The following EPB41L4A variants were observed in gnomAD, a reference collection of about 807,000 sequenced individuals.
The protein encoded by EPB41L4A is erythrocyte membrane protein band 4.1 like 4A.
Under a neutral mutation model 108.6 loss-of-function variants are expected in EPB41L4A, and 100 were observed. That is an observed-to-expected ratio of 0.92 (90% CI 0.78 to 1.09). The LOEUF is 1.09. Among genes scored for constraint, EPB41L4A ranks in the 50% least tolerant of loss-of-function variants. The pLI, the probability that EPB41L4A is intolerant of heterozygous loss-of-function variation, is 0.00. For synonymous variants in EPB41L4A, 319 were observed against 289.0 expected, an observed-to-expected ratio of 1.10 and a Z score of -1.05; for missense variants, 1,030 against 842.7, an observed-to-expected ratio of 1.22 and a Z score of -2.75.
chr5:112,382,556 T>C (rs1760241035), intron 1 of EPB41L4A, among the ~76,000 whole-genome samples: 1 of 152,222 alleles, frequency 6.6e-6, no homozygotes, highest in Non-Finnish European at 1.5e-5. Context: ...ACTGTGGTGT[T>C]AACTGTTTCA....
chr5:112,312,996 G>A (rs1755146091), intron 1 of EPB41L4A, among the ~76,000 whole-genome samples: 1 of 152,080 alleles, frequency 6.6e-6, no homozygotes, highest in Non-Finnish European at 1.5e-5. Context: ...CAGGAAAAAA[G>A]GGTATTATGA....
rs1752021295 is a variant in EPB41L4A at position 112,268,433 on chromosome 5, TCA to T, written c.336-2105_336-2104del. Reference sequence around the variant, plus strand: ...ACAAAAGAGACAACTGTGAGAATTATCACTGCTTGCTGCTGGAAACTTGCATT... The same window carrying T: ...ACAAAAGAGACAACTGTGAGAATTATCTGCTTGCTGCTGGAAACTTGCATT... On this transcript the variant is annotated intron_variant, in intron 4 of 22. Coordinates refer to ENST00000261486, the MANE Select transcript of EPB41L4A (RefSeq NM_022140.5). Among the ~76,000 whole-genome samples the T allele has an allele frequency of 2.6e-5, 4 of 152,204 alleles. No homozygotes were observed. In the South Asian group the frequency reaches 8.3e-4, roughly 32 times the overall value.
At chr5:112,190,571 G>A (rs189923341) in intron 17 of EPB41L4A, among the ~76,000 whole-genome samples, 1 of 152,306 alleles carries the variant, frequency 6.6e-6, no homozygotes, top group East Asian at 1.9e-4. Context: ...GACAGGAGAT[G>A]CCGTAGCAGT....
At chr5:112,149,189 G>C (rs542726664) in intron 12 of EPB41L4A, among the ~76,000 whole-genome samples, 3 of 152,126 alleles carry the variant, frequency 2.0e-5, no homozygotes, top group Non-Finnish European at 4.4e-5. Flanking sequence ...TTAAGAAAGA[G>C]ACTCTGGCCA....
intron 2 of EPB41L4A, among the ~76,000 whole-genome samples, chr5:112,296,896 A>G (rs1419875683): frequency 2.0e-5 from 3 of 152,112 alleles, no homozygotes; most frequent in Non-Finnish European, 4.4e-5. Context: ...ACTTAGAATA[A>G]TAGTCTCCAA....
chr5:112,228,519 A>G (rs1484038900), intron 12 of EPB41L4A, among the ~76,000 whole-genome samples: 1 of 152,220 alleles, frequency 6.6e-6, no homozygotes, highest in Non-Finnish European at 1.5e-5. Context: ...TGCTGCAAGT[A>G]TTTGTGTGTT....
intron 1 of EPB41L4A, among the ~76,000 whole-genome samples, chr5:112,359,697 C>T (rs1314368812): frequency 1.3e-5 from 2 of 152,182 alleles, no homozygotes; most frequent in East Asian, 1.9e-4. Context: ...CCTGCCACCA[C>T]GCCCAGCTAA....
At chr5:112,307,697 C>T (rs1754785862) in intron 1 of EPB41L4A, among the ~76,000 whole-genome samples, 1 of 151,618 alleles carries the variant, frequency 6.6e-6, no homozygotes, top group Non-Finnish European at 1.5e-5. Flanking sequence ...TTGGAAAATA[C>T]TTTTTAAATC....
intron 2 of EPB41L4A, among the ~76,000 whole-genome samples, chr5:112,295,226 C>A (rs1239672829): frequency 6.6e-6 from 1 of 152,158 alleles, no homozygotes. Context: ...GACTTGGTGA[C>A]TGGCTATGAG....
intron 12 of EPB41L4A, among the ~76,000 whole-genome samples, chr5:112,225,152 A>G (rs1307211525): frequency 2.0e-5 from 3 of 152,192 alleles, no homozygotes; most frequent in Non-Finnish European, 4.4e-5. Context: ...AGAACTTGCT[A>G]CACCTGCAAA....
chr5:112,222,088 G>A (rs1402361260), intron 12 of EPB41L4A, among the ~76,000 whole-genome samples: 1 of 152,110 alleles, frequency 6.6e-6, no homozygotes, highest in African/African-American at 2.4e-5. Flanking sequence ...TAGGTAAGAT[G>A]CCCCAAAGAA....
At chr5:112,179,587 A>G (rs916517900) in intron 18 of EPB41L4A, among the ~76,000 whole-genome samples, 1 of 152,200 alleles carries the variant, frequency 6.6e-6, no homozygotes, top group African/African-American at 2.4e-5. Flanking sequence ...CTATCTCAAC[A>G]GATGCAGAAA....
chr5:112,197,308 T>C (rs1762011900), intron 15 of EPB41L4A, among the ~76,000 whole-genome samples: 1 of 152,286 alleles, frequency 6.6e-6, no homozygotes, highest in Admixed American at 6.5e-5. Flanking sequence ...TTCCTTACAA[T>C]CTGTAATCTA....
At chr5:112,401,047 G>A (rs938003342) in intron 1 of EPB41L4A, among the ~76,000 whole-genome samples, 2 of 152,010 alleles carry the variant, frequency 1.3e-5, no homozygotes, top group South Asian at 4.1e-4. Context: ...GTCCAAGAAA[G>A]AACAAACAGC....
chr5:112,418,931 C>G lies in EPB41L4A; in HGVS notation c.99+10G>C. On this transcript the variant is annotated intron_variant, in intron 1 of 22. Transcript: ENST00000261486. ...GCCAACCCCCGGAACGCGCTCCGGG[C>G]CGCACCCACCTTGATGCCCTGCTGC... is the stretch of plus-strand genomic sequence containing the variant. 6.2e-7 allele frequency: 1 copy of G among 1,609,852 alleles called. No individual in the cohort carries two copies. The highest frequency in any genetic ancestry group is 8.5e-7 in the Non-Finnish European group (1 of 1,176,838).
At chr5:112,411,584 T>TA (rs1762415973) in intron 1 of EPB41L4A, among the ~76,000 whole-genome samples, 1 of 150,942 alleles carries the variant, frequency 6.6e-6, no homozygotes, top group African/African-American at 2.5e-5. Context: ...ATGAGGCAGA[T>TA]ATCATGCCCC....
intron 4 of EPB41L4A, among the ~76,000 whole-genome samples, chr5:112,271,663 G>A (rs1752267789): frequency 6.6e-6 from 1 of 152,162 alleles, no homozygotes; most frequent in Non-Finnish European, 1.5e-5. Context: ...CACAATACAG[G>A]GAAGGATGTC....
rs776087947 is a variant in EPB41L4A, at chr5:112,165,005, G to C, written c.2046C>G (p.Leu682=). 46 of 1,613,564 alleles carry C rather than the reference G, an allele frequency of 2.9e-5. No individual in the cohort carries two copies. Among genetic ancestry groups the C allele is most frequent in the Admixed American group, 3.3e-5 (2 of 59,920 alleles). The change falls in exon 23 of 23, where the codon CTC becomes CTG. Residue 682 remains leucine, a synonymous_variant. Coordinates refer to ENST00000261486, the MANE Select transcript of EPB41L4A (RefSeq NM_022140.5). Reference sequence around the variant, plus strand: ...TTCATCAGGATCAAGTCTCTGTCTTGAGGCGGGAAGCTTGTATAGTTTTTA... The same window carrying C: ...TTCATCAGGATCAAGTCTCTGTCTTCAGGCGGGAAGCTTGTATAGTTTTTA... ...KTIKTIQASR[L]KTET
rs1404676973 is a variant in EPB41L4A at position 112,307,437 on chromosome 5, A to G, written c.153T>C (p.Leu51=). The G allele has an allele frequency of 2.5e-6, 4 of 1,613,294 alleles. No homozygotes were observed. In the Admixed American group the frequency reaches 6.7e-5, roughly 27 times the overall value. ...GTAGCCCAAAATAATCTATCTCCAC[A>G]AGGTTTACGTGATGGAATACGTGGT... is the stretch of plus-strand genomic sequence containing the variant. ...VLDHVFHHVN[L]VEIDYFGLRY... The change falls in exon 2 of 23, where the codon CTT becomes CTC. Residue 51 remains leucine, a synonymous_variant. Transcript: ENST00000261486.
Sources: gnomAD v4.1 joint callset for allele counts (sites outside exome capture counted in the v4.1 genomes callset) on GRCh38, gnomAD v4.1.1 for gene constraint, MANE v1.5 for transcripts, NCBI Gene and HGNC (gene_info 2026-07-23, HGNC 2026-07-21) for gene names.